The following SYNE1 variants were observed in gnomAD, a reference collection of about 807,000 sequenced individuals.
The protein encoded by SYNE1 is spectrin repeat containing nuclear envelope protein 1, also known as nesprin-1.
SYNE1 carries 616 observed loss-of-function variants against 1,111.0 expected under a neutral mutation model. The ratio of observed to expected loss-of-function variants is 0.55; its 90% CI spans 0.52 to 0.59. The LOEUF (loss-of-function observed/expected upper bound fraction) is 0.59, where lower values mean the gene tolerates loss of function less well. Ranked by LOEUF, SYNE1 falls within the 20% of genes least tolerant of loss-of-function variation. SYNE1 has a pLI of 0.00. For synonymous variants in SYNE1, 3,855 were observed against 3,825.8 expected (o/e 1.01, Z -0.28); for missense variants, 10,006 against 10,417.0 (o/e 0.96, Z 1.72).
chr6:152,254,244 CTTTTTTTTTTTTTT>C (rs773598537), intron 104 of SYNE1, among the ~76,000 whole-genome samples: 2 of 73,144 alleles, frequency 2.7e-5, no homozygotes, highest in African/African-American at 1.2e-4. Flanking sequence ...TCTGCATACT[CTTTTTTTTTTTTTT>C]TTTTTTTTTT....
chr6:152,535,910 G>A (rs928095182), intron 4 of SYNE1, among the ~76,000 whole-genome samples: 4 of 151,950 alleles, frequency 2.6e-5, no homozygotes, highest in Admixed American at 6.6e-5. Context: ...TATATTCATC[G>A]TAACATAACT....
chr6:152,318,670 C>T lies in SYNE1; in HGVS notation c.16389+193G>A, dbSNP rs201202251. Among the ~76,000 whole-genome samples the T allele has an allele frequency of 1.4e-4, 21 of 152,316 alleles. No individual in the cohort carries two copies. The East Asian group carries it at 1.9e-3, about 14-fold the overall frequency. On this transcript the variant is annotated intron_variant, in intron 85 of 145. Transcript: ENST00000367255. ...ACTCATGCATGTATATTTATTAATA[C>T]TGTTCAATTATAATGATCAATTATG...
chr6:152,289,727 C>T (rs769110965), intron 95 of SYNE1, among the ~76,000 whole-genome samples: 2 of 151,976 alleles, frequency 1.3e-5, no homozygotes, highest in Non-Finnish European at 2.9e-5. Flanking sequence ...CCCAGGTTCA[C>T]GTCATTCTCC....
chr6:152,145,381 A>T, intron 137 of SYNE1: 1 of 1,079,420 alleles, frequency 9.3e-7, no homozygotes, highest in Non-Finnish European at 1.4e-6. Flanking sequence ...GCTGTGCCTT[A>T]ACATGCTAGA....
At chr6:152,426,598 GT>G (rs1463223116) in intron 38 of SYNE1, among the ~76,000 whole-genome samples, 1 of 152,254 alleles carries the variant, frequency 6.6e-6, no homozygotes, top group Admixed American at 6.5e-5. Context: ...TTGAGTCAGT[GT>G]CTTCATTTAT....
At chr6:152,540,432 AGCAAGGGCT>A (rs780655172) in intron 3 of SYNE1, among the ~76,000 whole-genome samples, 6 of 152,236 alleles carry the variant, frequency 3.9e-5, no homozygotes, top group Non-Finnish European at 8.8e-5. Context: ...GAAATGGACA[AGCAAGGGCT>A]ATGAATAGTA....
chr6:152,365,115 C>T, intron 62 of SYNE1, 96 bp from the exon 63 acceptor site: 2 of 1,488,906 alleles, frequency 1.3e-6, no homozygotes, highest in Non-Finnish European at 9.3e-7. Flanking sequence ...GAATAATATG[C>T]AATTGTGCCC....
chr6:152,518,637 G>A (rs1479579650), intron 6 of SYNE1, among the ~76,000 whole-genome samples: 1 of 152,020 alleles, frequency 6.6e-6, no homozygotes. Flanking sequence ...TATAGCATGT[G>A]AGAATGGACT....
rs1291907641 is a variant in SYNE1 at position 152,447,594 on chromosome 6, C to A, written c.3533G>T (p.Gly1178Val). 2.5e-6 allele frequency: 4 copies of A among 1,614,190 alleles called. No individual in the cohort carries two copies. The highest frequency in any genetic ancestry group is 3.4e-6 in the Non-Finnish European group (4 of 1,180,026). The change falls in exon 29 of 146, where the codon GGT (glycine) becomes GTT (valine). Residue 1178 changes from glycine (G) to valine (V), a missense_variant. This residue lies in a region of SYNE1 where 1,971 missense variants were observed against 2,084.1 expected (regional missense o/e 0.95). Transcript: ENST00000367255. ...EEIRNGVTKR[G>V]ETLSWLKSRL... ...GGATTTCAGCCAGCTGAGGGTCTCA[C>A]CCCTTTTGGTAACACCATTTCTGAT...
Position 152,253,813 on chromosome 6 carries a change from GTTTGGTTTTTTTTTTTTTTTT to G in SYNE1, c.19470+1046_19470+1066del, listed in dbSNP as rs1261241608. The stretch of plus-strand genomic sequence containing the variant: ...GCTAATGCTACATTTATGTGTAGTG[GTTTGGTTTTTTTTTTTTTTTT>G]TTTTTTTTTTTTTTTTTTTTTTTTT... On this transcript the variant is annotated intron_variant, in intron 104 of 145. Transcript: ENST00000367255. Among the ~76,000 whole-genome samples, 344 of 33,212 alleles carry G rather than the reference GTTTGGTTTTTTTTTTTTTTTT, an allele frequency of 0.01. 28 individuals carry two copies. In the East Asian group the frequency reaches 0.12, roughly 11 times the overall value. 21.8% of individuals were successfully genotyped at this position (33,212 alleles called of 152,430 possible). A position where few individuals can be genotyped will look rare whatever the true frequency, so the allele number is the denominator to read the frequency against.
chr6:152,239,498 T>G (rs773399134), intron 108 of SYNE1, 35 bp downstream of exon 108: 3 of 1,613,264 alleles, frequency 1.9e-6, no homozygotes. Flanking sequence ...AGCAGGAAGT[T>G]TGCAGCACAG....
intron 3 of SYNE1, among the ~76,000 whole-genome samples, chr6:152,587,839 GTTTTAAAACC>G (rs1344081934): frequency 1.3e-5 from 2 of 152,156 alleles, no homozygotes; most frequent in Non-Finnish European, 2.9e-5. Flanking sequence ...CACAGAAATG[GTTTTAAAACC>G]ATTGTCCGGA....
intron 118 of SYNE1, 25 bp downstream of exon 118, chr6:152,221,401 T>C (rs1378532433): frequency 6.2e-7 from 1 of 1,612,404 alleles, no homozygotes; most frequent in South Asian, 1.1e-5. Context: ...ATATAAATAG[T>C]GTGTAAAGTT....
At chr6:152,154,829 C>T (rs1447199837) in intron 133 of SYNE1, 63 bp downstream of exon 133, 1 of 1,592,140 alleles carries the variant, frequency 6.3e-7, no homozygotes, top group Non-Finnish European at 8.6e-7. Context: ...TCTTGGAACT[C>T]CAACTACCAG....
rs577388500 is a variant in SYNE1 at position 152,430,654 on chromosome 6, T to G, written c.4517A>C (p.Glu1506Ala). Residue 1506 changes from glutamate (E) to alanine (A), a missense_variant, in exon 35 of 146, where the codon GAA becomes GCA. By Grantham distance (107) the Glu-to-Ala change is moderately radical. This residue lies in a region of SYNE1 where 1,971 missense variants were observed against 2,084.1 expected (regional missense o/e 0.95). Transcript: ENST00000367255. Reference sequence around the variant, plus strand: ...AACAAACTGAGCAAAAGACTGGGCTTCTTCTTCTAATCCTACAATGCTGCT... The same window carrying G: ...AACAAACTGAGCAAAAGACTGGGCTGCTTCTTCTAATCCTACAATGCTGCT... ...KLSSIVGLEE[E>A]AQSFAQFVTT... is the part of the protein sequence containing the mutation. 24 of 1,614,138 alleles carry G rather than the reference T, an allele frequency of 1.5e-5. No homozygotes were observed. Among genetic ancestry groups the G allele is most frequent in the African/African-American group, 5.3e-5 (4 of 75,060 alleles).
intron 133 of SYNE1, 41 bp from the exon 134 acceptor site, chr6:152,152,182 A>G (rs1275638166): frequency 6.3e-7 from 1 of 1,584,756 alleles, no homozygotes; most frequent in East Asian, 2.2e-5. Flanking sequence ...GAAATCAGCG[A>G]AGGACTCTCA....
chr6:152,409,057 G>T lies in SYNE1; in HGVS notation c.6540+11C>A. ...TTAAATAGTTCACAGAATCCCAGGT[G>T]ATTATCTTACATCCAGCCATTTGTC... On this transcript the variant is annotated intron_variant, in intron 44 of 145. Coordinates refer to ENST00000367255, the MANE Select transcript of SYNE1 (RefSeq NM_182961.4). The T allele has an allele frequency of 6.2e-7, 1 of 1,613,318 alleles. No individual in the cohort carries two copies. The highest frequency in any genetic ancestry group is 8.5e-7 in the Non-Finnish European group (1 of 1,179,474).
rs921033226 is a variant in SYNE1, at chr6:152,472,209, A to T, written c.1463+92T>A. 4.9e-6 allele frequency: 5 copies of T among 1,016,780 alleles called. No individual in the cohort carries two copies. The African/African-American group carries it at 5.0e-5, about 10-fold the overall frequency. The allele number at this position is 1,016,780 out of a possible 1,614,324, so 63.0% of individuals were successfully genotyped here. A position where few individuals can be genotyped will look rare whatever the true frequency, so the allele number is the denominator to read the frequency against. ...TTTACCAAAGGTAGGCGCCTCTGTTAAAAAAAAATCATGAAAAAATAAAAG... is the reference window on the plus strand; with the variant it reads ...TTTACCAAAGGTAGGCGCCTCTGTTTAAAAAAAATCATGAAAAAATAAAAG... On this transcript the variant is annotated intron_variant, in intron 15 of 145. Coordinates refer to ENST00000367255, the MANE Select transcript of SYNE1 (RefSeq NM_182961.4).
In SYNE1 at chr6:152,218,299, T is replaced by C. The variant is rs1287606265; in HGVS notation, c.22149A>G (p.Ser7383=). The change falls in exon 121 of 146, where the codon TCA becomes TCG. Residue 7383 remains serine, a synonymous_variant. Transcript: ENST00000367255. ...TTTCCTGGATTGTGGAGAGGTCAGA[T>C]GAGTGGCTAGGGTCCTGCCCTTGTA... ...EILQGQDPSH[S]SDLSTIQERM... is the part of the protein sequence containing the mutation. 5.0e-6 allele frequency: 8 copies of C among 1,614,130 alleles called. No homozygotes were observed. The highest frequency in any genetic ancestry group is 1.7e-5 in the Admixed American group (1 of 60,022).
Sources: gnomAD v4.1 joint callset for allele counts (sites outside exome capture counted in the v4.1 genomes callset) on GRCh38, gnomAD v4.1.1 for gene constraint, gnomAD v4.1.1 regional missense constraint, MANE v1.5 for transcripts, NCBI Gene and HGNC (gene_info 2026-07-23, HGNC 2026-07-21) for gene names.